Variants in FCHO2 observed in about 807,000 individuals in gnomAD.
The protein encoded by FCHO2 is F-BAR domain only protein 2.
FCHO2 carries 43 observed loss-of-function variants against 114.1 expected under a neutral mutation model. That is an observed-to-expected ratio of 0.38 (90% CI 0.30 to 0.49). FCHO2 has a LOEUF of 0.49. FCHO2 is among the 20% of genes least tolerant of loss of function. The pLI is 0.97. For missense variants in FCHO2, 807 were observed against 950.4 expected, an observed-to-expected ratio of 0.85 and a Z score of 1.98; for synonymous variants, 293 against 315.2, an observed-to-expected ratio of 0.93 and a Z score of 0.75.
At position 73,068,729 on chromosome 5, in the gene FCHO2, C is replaced by T. The variant is rs762576411; in HGVS notation, c.1529C>T (p.Ser510Phe). Residue 510 changes from serine (S) to phenylalanine (F), a missense_variant, in exon 19 of 26, where the codon TCT (serine) becomes TTT (phenylalanine). Ser to Phe is a radical substitution (Grantham distance 155). Coordinates refer to ENST00000430046, the MANE Select transcript of FCHO2 (RefSeq NM_138782.3). ...CCATTAGCCCGGGCAGAAAGTTCTT[C>T]TTCTATCTCATCATCTGCTTCATTG... ...AAPLARAESSSSISSSASLSA... is the reference protein window; with the variant it reads ...AAPLARAESSFSISSSASLSA... The T allele has an allele frequency of 1.1e-5, 18 of 1,612,360 alleles. No individual in the cohort carries two copies. The highest frequency in any genetic ancestry group is 9.9e-5 in the South Asian group (9 of 91,044).
At chr5:73,023,656 C>T (rs577426287) in intron 8 of FCHO2, among the ~76,000 whole-genome samples, 6 of 151,502 alleles carry the variant, frequency 4.0e-5, no homozygotes, top group African/African-American at 7.3e-5. Flanking sequence ...GCTCAGATTG[C>T]GCCATTGCAC....
chr5:73,053,898 A>G (rs1374803292), intron 13 of FCHO2, among the ~76,000 whole-genome samples: 1 of 75,308 alleles, frequency 1.3e-5, no homozygotes, highest in East Asian at 5.8e-4. Context: ...GTTTGTTTTT[A>G]AAAAACAATG....
At position 73,054,763 on chromosome 5, in the gene FCHO2, A is replaced by G. The variant is rs149847299; in HGVS notation, c.1210+214A>G. 1.9e-3 allele frequency among the ~76,000 whole-genome samples: 282 copies of G among 152,268 alleles called. 3 individuals carry two copies. The highest frequency in any genetic ancestry group is 6.3e-3 in the African/African-American group (263 of 41,564). ...ATGCTTTAAACTTCAATACATGGCT[A>G]CAACATTTTTCAGAAATCACCAAAG... On this transcript the variant is annotated intron_variant, in intron 15 of 25. Coordinates refer to ENST00000430046, the MANE Select transcript of FCHO2 (RefSeq NM_138782.3).
chr5:72,964,169 CA>C (rs1395269108), intron 1 of FCHO2, among the ~76,000 whole-genome samples: 3 of 151,846 alleles, frequency 2.0e-5, no homozygotes, highest in Non-Finnish European at 2.9e-5. Flanking sequence ...AGTTTTTTCT[CA>C]ACCCATATAA....
At chr5:73,055,956 A>G (rs1757573492) in intron 15 of FCHO2, 109 bp from the exon 16 acceptor site, 6 of 719,106 alleles carry the variant, frequency 8.3e-6, no homozygotes, top group East Asian at 3.1e-5. Context: ...ATCAATTCCA[A>G]AATTTTTAAT....
intron 2 of FCHO2, among the ~76,000 whole-genome samples, chr5:72,975,592 T>C (rs1752822046): frequency 6.6e-6 from 1 of 152,038 alleles, no homozygotes; most frequent in South Asian, 2.1e-4. Flanking sequence ...GCAACCTCCC[T>C]GTCCTAAGTT....
At chr5:73,054,843 C>G (rs1757511426) in intron 15 of FCHO2, among the ~76,000 whole-genome samples, 1 of 152,092 alleles carries the variant, frequency 6.6e-6, no homozygotes, top group Admixed American at 6.6e-5. Flanking sequence ...CATTCTCTGT[C>G]TTATTAACCA....
chr5:73,055,100 A>G, intron 15 of FCHO2: 1 of 392,496 alleles, frequency 2.5e-6, no homozygotes, highest in Non-Finnish European at 5.2e-6. Context: ...CATCAGTTTT[A>G]TTAAAAATTC....
chr5:73,000,689 C>G (rs1321633002), intron 5 of FCHO2, among the ~76,000 whole-genome samples: 1 of 151,836 alleles, frequency 6.6e-6, no homozygotes, highest in African/African-American at 2.4e-5. Context: ...GCAGGAGAAT[C>G]TCTTGAACCC....
intron 2 of FCHO2, among the ~76,000 whole-genome samples, chr5:72,971,595 A>T (rs2112612440): frequency 6.6e-6 from 1 of 152,052 alleles, no homozygotes; most frequent in South Asian, 2.1e-4. Flanking sequence ...TAGATTCTGG[A>T]TATTAGCCCT....
intron 5 of FCHO2, among the ~76,000 whole-genome samples, chr5:73,000,471 T>TAAA (rs759939269): frequency 2.7e-5 from 2 of 74,394 alleles, no homozygotes; most frequent in African/African-American, 5.8e-5. Context: ...AACTCAGTCT[T>TAAA]AAAAAAAAAA....
At position 73,006,522 on chromosome 5, in the gene FCHO2, C is replaced by T. The variant is rs557188252; in HGVS notation, c.573C>T (p.Phe191=). Residue 191 remains phenylalanine, a synonymous_variant, in exon 6 of 26, where the codon TTC becomes TTT. Transcript: ENST00000430046. The part of the protein sequence containing the change: ...VEKYALAKAD[F]EQKMTETAQK... ...AATATGCATTAGCAAAAGCTGATTT[C>T]GAACAGAAAATGACAGAAACAGCTC... 22 of 1,568,018 alleles carry T rather than the reference C, an allele frequency of 1.4e-5. No individual in the cohort carries two copies. In the African/African-American group the frequency reaches 1.6e-4, roughly 12 times the overall value.
chr5:72,997,320 A>C, intron 5 of FCHO2: 5 of 1,569,384 alleles, frequency 3.2e-6, no homozygotes, highest in South Asian at 1.1e-5. Context: ...ATGGAGATCT[A>C]TGGCTCTGCT....
intron 18 of FCHO2, among the ~76,000 whole-genome samples, chr5:73,066,693 A>T (rs1186598262): frequency 1.3e-5 from 2 of 149,312 alleles, no homozygotes; most frequent in African/African-American, 4.9e-5. Context: ...TGAAAGAACC[A>T]CTCATTGTTC....
intron 8 of FCHO2, among the ~76,000 whole-genome samples, chr5:73,024,208 T>C (rs1205184134): frequency 6.6e-6 from 1 of 151,990 alleles, no homozygotes; most frequent in African/African-American, 2.4e-5. Flanking sequence ...CACAGGCATA[T>C]GCCAGTACAC....
At chr5:73,078,893 A>G (rs1242787882) in intron 22 of FCHO2, among the ~76,000 whole-genome samples, 2 of 152,222 alleles carry the variant, frequency 1.3e-5, no homozygotes, top group Non-Finnish European at 2.9e-5. Flanking sequence ...AATATTCACA[A>G]AGAACAATTA....
intron 5 of FCHO2, among the ~76,000 whole-genome samples, chr5:72,993,577 T>TG: frequency 6.6e-6 from 1 of 152,306 alleles, no homozygotes; most frequent in African/African-American, 2.4e-5. Context: ...TATTTTTTTT[T>TG]CCTCATATGA....
chr5:72,997,726 A>G (rs1754201400), intron 5 of FCHO2: 3 of 1,473,370 alleles, frequency 2.0e-6, no homozygotes, highest in African/African-American at 1.4e-5. Context: ...GCCCTGTCCA[A>G]TGTGAGGACT....
At chr5:72,963,921 T>G (rs1457904353) in intron 1 of FCHO2, among the ~76,000 whole-genome samples, 10 of 146,596 alleles carry the variant, frequency 6.8e-5, no homozygotes, top group South Asian at 2.2e-4. Context: ...TTTTTTTTTT[T>G]TTTTTTTTGT....
Sources: gnomAD v4.1 joint callset for allele counts (sites outside exome capture counted in the v4.1 genomes callset) on GRCh38, gnomAD v4.1.1 for gene constraint, MANE v1.5 for transcripts, NCBI Gene and HGNC (gene_info 2026-07-23, HGNC 2026-07-21) for gene names.